PCCA: variants seen among roughly 807,000 people sequenced by gnomAD.
The protein encoded by PCCA is propionyl-CoA carboxylase alpha chain, mitochondrial.
Under a neutral mutation model 101.3 loss-of-function variants are expected in PCCA, and 74 were observed. The observed-to-expected ratio is 0.73, with a 90% confidence interval of 0.61 to 0.89. PCCA has a LOEUF of 0.89. PCCA is among the 40% of genes least tolerant of loss of function. The pLI is 0.00. For synonymous variants in PCCA, 294 were observed against 313.6 expected (o/e 0.94, Z 0.66); for missense variants, 891 against 907.0 (o/e 0.98, Z 0.23).
intron 21 of PCCA, among the ~76,000 whole-genome samples, chr13:100,469,040 C>T (rs533078231): frequency 1.5e-4 from 22 of 151,488 alleles, no homozygotes; most frequent in South Asian, 6.3e-4. Context: ...GGAGAAACCC[C>T]GTCTCTACTA....
At chr13:100,311,700 G>A (rs1457981498) in intron 16 of PCCA, among the ~76,000 whole-genome samples, 2 of 152,140 alleles carry the variant, frequency 1.3e-5, no homozygotes, top group Admixed American at 6.6e-5. Context: ...AACCCAGGAG[G>A]TGGAGGTTGC....
At chr13:100,158,684 A>G (rs979510052) in intron 6 of PCCA, among the ~76,000 whole-genome samples, 2 of 152,228 alleles carry the variant, frequency 1.3e-5, no homozygotes, top group Non-Finnish European at 2.9e-5. Flanking sequence ...TATTACATTT[A>G]AGTCCGTATA....
intron 19 of PCCA, among the ~76,000 whole-genome samples, chr13:100,414,539 G>T (rs191290819): frequency 3.9e-5 from 6 of 152,280 alleles, no homozygotes; most frequent in Admixed American, 3.3e-4. Context: ...CTAGAAATCA[G>T]CACTGAAGCG....
intron 6 of PCCA, among the ~76,000 whole-genome samples, chr13:100,170,924 C>T (rs1479173911): frequency 2.6e-5 from 4 of 152,184 alleles, no homozygotes; most frequent in African/African-American, 9.7e-5. Flanking sequence ...AGCATTGGTT[C>T]CCAGTATGTT....
rs761963979 is a variant in PCCA, at chr13:100,089,102, G to C, written c.-19G>C. ...GGCTGTGTGAGAGGTCAGCAGAGGGGCGGTCTGCGGGGACAACAATGGCGG... is the reference window on the plus strand; with the variant it reads ...GGCTGTGTGAGAGGTCAGCAGAGGGCCGGTCTGCGGGGACAACAATGGCGG... On this transcript the variant is annotated 5_prime_UTR_variant, in exon 1 of 24. Coordinates refer to ENST00000376285, the MANE Select transcript of PCCA (RefSeq NM_000282.4). 1.4e-6 allele frequency: 2 copies of C among 1,470,606 alleles called. No individual in the cohort carries two copies. Among genetic ancestry groups the C allele is most frequent in the East Asian group, 5.6e-5 (2 of 35,792 alleles). 91.1% of individuals were successfully genotyped at this position (1,470,606 alleles called of 1,614,324 possible). A position where few individuals can be genotyped will look rare whatever the true frequency, so the allele number is the denominator to read the frequency against.
intron 18 of PCCA, 60 bp downstream of exon 18, chr13:100,340,319 C>T: frequency 2.3e-6 from 2 of 876,840 alleles, no homozygotes; most frequent in Non-Finnish European, 3.9e-6. Context: ...ATCCAGTCTA[C>T]ATAGGAAATA....
chr13:100,361,305 A>G (rs1388224907), intron 18 of PCCA, among the ~76,000 whole-genome samples: 2 of 152,192 alleles, frequency 1.3e-5, no homozygotes, highest in Admixed American at 1.3e-4. Context: ...TAACATTGAT[A>G]TTGGCTTATC....
At chr13:100,268,386 A>T (rs186000285) in intron 10 of PCCA, among the ~76,000 whole-genome samples, 1 of 152,156 alleles carries the variant, frequency 6.6e-6, no homozygotes, top group South Asian at 2.1e-4. Flanking sequence ...TATCCCCTTC[A>T]CTAACACTCA....
At chr13:100,193,372 C>T (rs12853194) in intron 6 of PCCA, among the ~76,000 whole-genome samples, 12,338 of 152,158 alleles carry the variant, frequency 0.081, 671 homozygotes, top group Middle Eastern at 0.2. Context: ...TATAAAAAAA[C>T]GCCCTTGAGA....
At chr13:100,322,801 C>G (rs1282216558) in intron 16 of PCCA, among the ~76,000 whole-genome samples, 1 of 152,048 alleles carries the variant, frequency 6.6e-6, no homozygotes, top group Non-Finnish European at 1.5e-5. Flanking sequence ...ATCTTGAACT[C>G]CTGGTCTCAA....
chr13:100,413,769 A>G (rs1397321035), intron 19 of PCCA, among the ~76,000 whole-genome samples: 4 of 152,332 alleles, frequency 2.6e-5, no homozygotes, highest in African/African-American at 9.6e-5. Flanking sequence ...ATTCACGGCA[A>G]TACTGCATAG....
Position 100,493,065 on chromosome 13 carries a change from G to A in PCCA, c.1900-22362G>A, listed in dbSNP as rs536402000. ...ATTCTCCGCTGAGCTGTTTTAACAC[G>A]TAGCCATCCGCAGATGGCAGCTTCT... On this transcript the variant is annotated intron_variant, in intron 21 of 23. Transcript: ENST00000376285. 7.2e-4 allele frequency among the ~76,000 whole-genome samples: 110 copies of A among 152,230 alleles called. 1 individual carries two copies. Among genetic ancestry groups the A allele is most frequent in the Non-Finnish European group, 1.0e-3 (71 of 68,024 alleles).
At chr13:100,320,705 TG>T (rs2067936314) in intron 16 of PCCA, among the ~76,000 whole-genome samples, 1 of 152,190 alleles carries the variant, frequency 6.6e-6, no homozygotes, top group African/African-American at 2.4e-5. Flanking sequence ...AGCTTTTTGA[TG>T]TGCTGCTGGA....
intron 21 of PCCA, among the ~76,000 whole-genome samples, chr13:100,467,235 G>A (rs984677465): frequency 1.3e-5 from 2 of 152,126 alleles, no homozygotes; most frequent in South Asian, 2.1e-4. Flanking sequence ...CTGACTGTTG[G>A]GTGGAGAGCA....
intron 21 of PCCA, among the ~76,000 whole-genome samples, chr13:100,453,459 A>G (rs1289347846): frequency 6.8e-6 from 1 of 146,942 alleles, no homozygotes; most frequent in Non-Finnish European, 1.5e-5. Flanking sequence ...CTGACATTGC[A>G]ACCACTACAC....
At chr13:100,177,278 G>A (rs2152424170) in intron 6 of PCCA, among the ~76,000 whole-genome samples, 1 of 152,288 alleles carries the variant, frequency 6.6e-6, no homozygotes, top group South Asian at 2.1e-4. Flanking sequence ...TAATCTTCCA[G>A]AGTTCTGATT....
At chr13:100,398,785 T>A (rs1279150698) in intron 19 of PCCA, among the ~76,000 whole-genome samples, 1 of 152,184 alleles carries the variant, frequency 6.6e-6, no homozygotes, top group Non-Finnish European at 1.5e-5. Flanking sequence ...TTTTTATTTC[T>A]CTTTAGTAAT....
chr13:100,519,467 C>G (rs1343085860), intron 22 of PCCA, among the ~76,000 whole-genome samples: 1 of 152,260 alleles, frequency 6.6e-6, no homozygotes, highest in African/African-American at 2.4e-5. Flanking sequence ...AGGCGAGAAA[C>G]AGCCTACTGT....
chr13:100,475,032 GTTATTATTAGCA>G lies in PCCA; in HGVS notation c.1899+25748_1899+25759del, dbSNP rs554708093. On this transcript the variant is annotated intron_variant, in intron 21 of 23. Coordinates refer to ENST00000376285, the MANE Select transcript of PCCA (RefSeq NM_000282.4). The stretch of plus-strand genomic sequence containing the variant: ...ATATTTGGGACATATGCTAACACTT[GTTATTATTAGCA>G]TTATTATTAGCATTATTATTCAAGC... Among the ~76,000 whole-genome samples the G allele has an allele frequency of 8.6e-3, 1,301 of 151,958 alleles. 8 individuals are homozygous for G. Among genetic ancestry groups the G allele is most frequent in the Middle Eastern group, 0.027 (8 of 294 alleles).
Sources: allele counts gnomAD v4.1 joint callset (sites outside exome capture counted in the v4.1 genomes callset), GRCh38; gene constraint gnomAD v4.1.1; transcripts MANE v1.5; gene names NCBI Gene and HGNC (gene_info 2026-07-23, HGNC 2026-07-21).